The following SORCS3 variants were observed in gnomAD, a reference collection of about 807,000 sequenced individuals.
The protein encoded by SORCS3 is sortilin related VPS10 domain containing receptor 3.
A neutral mutation model predicts 146.3 loss-of-function variants in SORCS3; 57 were observed. The observed-to-expected ratio is 0.39, with a 90% CI of 0.31 to 0.49. The LOEUF (loss-of-function observed/expected upper bound fraction) is 0.49. Among genes scored for constraint, SORCS3 ranks in the 20% least tolerant of loss-of-function variants. The pLI, the probability that SORCS3 is intolerant of heterozygous loss-of-function variation, is 0.92. For missense variants in SORCS3, 1,341 were observed against 1,575.5 expected (o/e 0.85, Z 2.52); for synonymous variants, 653 against 618.5 (o/e 1.06, Z -0.83).
intron 13 of SORCS3, among the ~76,000 whole-genome samples, chr10:105,174,290 A>G (rs1237613569): frequency 6.6e-6 from 1 of 152,174 alleles, no homozygotes; most frequent in Admixed American, 6.5e-5. Flanking sequence ...CTGTGGAGCT[A>G]TTAAGGAATT....
chr10:105,013,519 A>T (rs2055147307), intron 4 of SORCS3, among the ~76,000 whole-genome samples: 1 of 152,174 alleles, frequency 6.6e-6, no homozygotes, highest in Admixed American at 6.6e-5. Flanking sequence ...AAGCAAAATC[A>T]AATGGATTTT....
chr10:104,817,436 C>T lies in SORCS3; in HGVS notation c.628-25356C>T, dbSNP rs1251943499. On this transcript the variant is annotated intron_variant, in intron 1 of 26. Transcript: ENST00000369701. The stretch of plus-strand genomic sequence containing the variant: ...CCCCTTCCCCCTCCTCCTCCTCTTC[C>T]TCCTCCCCCTTCTCCTTCTTCCTCC... Among the ~76,000 whole-genome samples, 564 of 98,154 alleles carry T rather than the reference C, an allele frequency of 5.7e-3. 2 individuals are homozygous for T. The highest frequency in any genetic ancestry group is 0.033 in the Middle Eastern group (5 of 150). 64.4% of individuals were successfully genotyped at this position (98,154 alleles called of 152,430 possible).
chr10:105,106,626 T>A (rs1197316071), intron 7 of SORCS3, among the ~76,000 whole-genome samples: 2 of 152,172 alleles, frequency 1.3e-5, no homozygotes, highest in African/African-American at 4.8e-5. Flanking sequence ...TTGAACTGAT[T>A]GTAGGCATCG....
chr10:104,923,785 A>G (rs1292012261), intron 3 of SORCS3, among the ~76,000 whole-genome samples: 1 of 152,230 alleles, frequency 6.6e-6, no homozygotes, highest in Non-Finnish European at 1.5e-5. Context: ...TAACATGTGC[A>G]TAATAACCTG....
chr10:105,117,169 T>C (rs1382352920), intron 7 of SORCS3, among the ~76,000 whole-genome samples: 1 of 152,114 alleles, frequency 6.6e-6, no homozygotes, highest in African/African-American at 2.4e-5. Flanking sequence ...CTGACAATAA[T>C]AACCAGTTTA....
At chr10:105,102,002 C>T (rs1274217604) in intron 6 of SORCS3, among the ~76,000 whole-genome samples, 1 of 152,170 alleles carries the variant, frequency 6.6e-6, no homozygotes, top group Non-Finnish European at 1.5e-5. Context: ...GGGCTCCCTG[C>T]CTTCCCCTCT....
At chr10:104,643,089 C>T (rs2015446707) in intron 1 of SORCS3, among the ~76,000 whole-genome samples, 1 of 152,254 alleles carries the variant, frequency 6.6e-6, no homozygotes, top group Non-Finnish European at 1.5e-5. Flanking sequence ...AAATCCTTTC[C>T]TCTTCTCTGG....
chr10:105,042,749 T>C (rs532768683), intron 4 of SORCS3, among the ~76,000 whole-genome samples: 1 of 152,192 alleles, frequency 6.6e-6, no homozygotes, highest in Non-Finnish European at 1.5e-5. Flanking sequence ...TATGTAGTCT[T>C]ATTTTTCCTG....
intron 1 of SORCS3, among the ~76,000 whole-genome samples, chr10:104,663,133 T>G (rs2015724109): frequency 6.6e-6 from 1 of 152,100 alleles, no homozygotes; most frequent in Non-Finnish European, 1.5e-5. Flanking sequence ...GCCCGCTCCC[T>G]CCTGGCACAG....
chr10:104,947,504 G>C (rs1321365120), intron 3 of SORCS3, among the ~76,000 whole-genome samples: 1 of 152,156 alleles, frequency 6.6e-6, no homozygotes, highest in Admixed American at 6.5e-5. Flanking sequence ...TCCTTTCACG[G>C]GCTGCGAGGC....
intron 7 of SORCS3, among the ~76,000 whole-genome samples, chr10:105,123,077 C>A (rs544840926): frequency 6.6e-6 from 1 of 152,316 alleles, no homozygotes; most frequent in Non-Finnish European, 1.5e-5. Flanking sequence ...TGGAGAACTG[C>A]CTTCCAGGCA....
At chr10:104,647,724 A>G (rs2133236314) in intron 1 of SORCS3, among the ~76,000 whole-genome samples, 1 of 152,322 alleles carries the variant, frequency 6.6e-6, no homozygotes, top group South Asian at 2.1e-4. Flanking sequence ...AAGATAACTA[A>G]CAGGTTAACA....
intron 1 of SORCS3, among the ~76,000 whole-genome samples, chr10:104,694,938 T>G (rs2016157165): frequency 6.6e-6 from 1 of 152,186 alleles, no homozygotes; most frequent in Non-Finnish European, 1.5e-5. Context: ...TTTTAAAATT[T>G]CCTAGAAACT....
chr10:104,854,064 C>A (rs978799673), intron 2 of SORCS3, among the ~76,000 whole-genome samples: 3 of 152,178 alleles, frequency 2.0e-5, no homozygotes, highest in South Asian at 4.1e-4. Flanking sequence ...CCCTTGCTGT[C>A]TCCCCGAATA....
chr10:104,685,311 T>TCACCCTGGGTTGCTTCTAA (rs1428359970), intron 1 of SORCS3, among the ~76,000 whole-genome samples: 2 of 152,120 alleles, frequency 1.3e-5, no homozygotes, highest in Non-Finnish European at 2.9e-5. Context: ...AGCTCACTGG[T>TCACCCTGGGTTGCTTCTAA]CACCCTGGGT....
At chr10:105,228,888 A>G (rs2056750601) in intron 20 of SORCS3, among the ~76,000 whole-genome samples, 1 of 152,158 alleles carries the variant, frequency 6.6e-6, no homozygotes. Context: ...GGATATCTAA[A>G]TCTCTTGCTA....
In SORCS3 at chr10:105,159,201, T is replaced by TC. The variant is rs201478668; in HGVS notation, c.1732+213dup. 1.0e-2 allele frequency among the ~76,000 whole-genome samples: 1,515 copies of TC among 152,132 alleles called. 10 individuals are homozygous for TC. Among genetic ancestry groups the TC allele is most frequent in the Non-Finnish European group, 0.014 (963 of 67,968 alleles). On this transcript the variant is annotated intron_variant, in intron 11 of 26. Transcript: ENST00000369701. Reference sequence around the variant, plus strand: ...TTGTAATTCCTAGGCTCATGCATCTTCCCCCCAGACACAGAGCAGTCCCCT... The same window carrying TC: ...TTGTAATTCCTAGGCTCATGCATCTTCCCCCCCAGACACAGAGCAGTCCCCT...
At chr10:105,106,835 G>A (rs1265703993) in intron 7 of SORCS3, among the ~76,000 whole-genome samples, 2 of 152,142 alleles carry the variant, frequency 1.3e-5, no homozygotes, top group South Asian at 2.1e-4. Flanking sequence ...CAGGCCAACG[G>A]CACTCTCATT....
chr10:104,662,038 C>T (rs566446562), intron 1 of SORCS3, among the ~76,000 whole-genome samples: 2 of 152,156 alleles, frequency 1.3e-5, no homozygotes, highest in East Asian at 3.9e-4. Flanking sequence ...TACTATCTCT[C>T]TTTAACAGAA....
Sources: gnomAD v4.1 joint callset for allele counts (sites outside exome capture counted in the v4.1 genomes callset) on GRCh38, gnomAD v4.1.1 for gene constraint, MANE v1.5 for transcripts, NCBI Gene and HGNC (gene_info 2026-07-23, HGNC 2026-07-21) for gene names.